Variants in NECAB2 observed in about 807,000 individuals in gnomAD.
The protein encoded by NECAB2 is N-terminal EF-hand calcium-binding protein 2.
Under a neutral mutation model 51.9 loss-of-function variants are expected in NECAB2, and 68 were observed. The observed-to-expected ratio is 1.31, with a 90% confidence interval of 1.08 to 1.60. The LOEUF (loss-of-function observed/expected upper bound fraction) is 1.60, where lower values mean the gene tolerates loss of function less well. Among genes scored for constraint, NECAB2 ranks in the 40% most tolerant of loss-of-function variants. NECAB2 has a pLI of 0.00. For missense variants in NECAB2, 854 were observed against 490.3 expected (o/e 1.74, Z -7.00); for synonymous variants, 329 against 203.5 (o/e 1.62, Z -5.25).
intron 1 of NECAB2, chr16:83,971,890 G>A (rs1183519252): frequency 1.7e-6 from 1 of 592,528 alleles, no homozygotes; most frequent in Non-Finnish European, 3.0e-6. Flanking sequence ...GCCTGCGTGT[G>A]TGTGTCAGCG....
chr16:83,972,055 C>T, intron 1 of NECAB2, 96 bp from the exon 2 acceptor site: 1 of 1,549,734 alleles, frequency 6.5e-7, no homozygotes, highest in Non-Finnish European at 8.8e-7. Flanking sequence ...TAAGCTGCTC[C>T]TGGGAGAAGA....
intron 2 of NECAB2, among the ~76,000 whole-genome samples, 169 bp downstream of exon 2, chr16:83,972,344 C>T (rs1005227918): frequency 1.6e-4 from 25 of 152,220 alleles, no homozygotes; most frequent in African/African-American, 5.8e-4. Flanking sequence ...CTTGACCTCC[C>T]TGTCTGTAAA....
intron 1 of NECAB2, among the ~76,000 whole-genome samples, chr16:83,970,028 G>C (rs2084331927): frequency 6.6e-6 from 1 of 152,152 alleles, no homozygotes; most frequent in Non-Finnish European, 1.5e-5. Context: ...CGCACACACA[G>C]CCAGAGACAC....
At chr16:83,972,921 ATTACAG>A (rs1238936366) in intron 2 of NECAB2, among the ~76,000 whole-genome samples, 1 of 152,188 alleles carries the variant, frequency 6.6e-6, no homozygotes, top group Admixed American at 6.6e-5. Context: ...CAGAATCATT[ATTACAG>A]TTGCAACGCA....
chr16:83,999,685 C>G (rs1472992), intron 10 of NECAB2, among the ~76,000 whole-genome samples: 22,265 of 151,982 alleles, frequency 0.15, 2,065 homozygotes, highest in African/African-American at 0.27. Flanking sequence ...TTTAAAATGA[C>G]GTGAGTGCGG....
chr16:83,967,693 C>T (rs372834376), upstream of NECAB2, among the ~76,000 whole-genome samples: 8 of 84,684 alleles, frequency 9.4e-5, 1 homozygote, highest in African/African-American at 4.3e-4. Flanking sequence ...GGCGGGCGGG[C>T]AGATGGATGG....
At chr16:83,979,142 C>G (rs137907103) in intron 3 of NECAB2, among the ~76,000 whole-genome samples, 1 of 152,188 alleles carries the variant, frequency 6.6e-6, no homozygotes, top group Non-Finnish European at 1.5e-5. Context: ...TACCCTTGAC[C>G]CTTCCCAGCC....
chr16:83,991,481 C>G (rs565213713), intron 6 of NECAB2, among the ~76,000 whole-genome samples: 33 of 151,296 alleles, frequency 2.2e-4, no homozygotes, highest in African/African-American at 7.5e-4. Context: ...ATTCTCCTGC[C>G]TCAGCCTCCC....
intron 8 of NECAB2, among the ~76,000 whole-genome samples, chr16:83,996,280 C>T (rs770091513): frequency 6.6e-6 from 1 of 152,228 alleles, no homozygotes. Context: ...GCCAGGCACA[C>T]CTTCACCACT....
rs139912684 is a variant in NECAB2 at position 83,998,258 on chromosome 16, G to A, written c.903G>A (p.Glu301=). The A allele has an allele frequency of 7.7e-5, 124 of 1,613,226 alleles. 1 individual carries two copies. The African/African-American group carries it at 1.5e-3, about 20-fold the overall frequency. Reference sequence around the variant, plus strand: ...CCGTGTGCCCCGAGCAACTGAGCGAGTTTCTGGACTCTCTGCGCCAGTATC... The same window carrying A: ...CCGTGTGCCCCGAGCAACTGAGCGAATTTCTGGACTCTCTGCGCCAGTATC... ...EMAVCPEQLS[E]FLDSLRQYLR... Residue 301 remains glutamate (E), a synonymous_variant, in exon 10 of 13, where the codon GAG becomes GAA. Coordinates refer to ENST00000305202, the MANE Select transcript of NECAB2 (RefSeq NM_019065.3).
intron 10 of NECAB2, among the ~76,000 whole-genome samples, 200 bp from the exon 11 acceptor site, chr16:84,000,524 C>T (rs35052760): frequency 0.24 from 35,830 of 152,028 alleles, 9,070 homozygotes; most frequent in African/African-American, 0.64. Context: ...TAATAAATAG[C>T]TGTTGGCCAC....
chr16:83,991,474 C>A (rs1031868422), intron 6 of NECAB2, among the ~76,000 whole-genome samples: 2 of 149,170 alleles, frequency 1.3e-5, no homozygotes, highest in African/African-American at 5.0e-5. Context: ...TCAAGCGATT[C>A]TCCTGCCTCA....
At chr16:83,979,392 G>C (rs1266978503) in intron 3 of NECAB2, among the ~76,000 whole-genome samples, 1 of 152,226 alleles carries the variant, frequency 6.6e-6, no homozygotes, top group African/African-American at 2.4e-5. Context: ...AGTGTGCAAG[G>C]GGTAGAGTAC....
At chr16:83,976,015 C>G (rs779778831) in intron 2 of NECAB2, among the ~76,000 whole-genome samples, 1 of 152,128 alleles carries the variant, frequency 6.6e-6, no homozygotes, top group Non-Finnish European at 1.5e-5. Flanking sequence ...TCTGCCTGCT[C>G]TCCCTGTGTG....
At chr16:83,966,059 C>A (rs1215015075), upstream of NECAB2, 4 of 1,362,284 alleles carry the variant, frequency 2.9e-6, no homozygotes, top group Admixed American at 2.7e-5. Flanking sequence ...GAGATGACCA[C>A]ATCCCTGCTG....
At position 84,001,887 on chromosome 16, in the gene NECAB2, C is replaced by T; in HGVS notation, c.1103C>T (p.Pro368Leu). The T allele has an allele frequency of 2.5e-6, 4 of 1,614,076 alleles. No individual in the cohort carries two copies. Among genetic ancestry groups the T allele is most frequent in the Admixed American group, 1.7e-5 (1 of 60,026 alleles). The change falls in exon 12 of 13, where the codon CCT becomes CTT. Residue 368 changes from proline (P) to leucine (L), a missense_variant. By Grantham distance (98) the Pro-to-Leu change is moderately conservative. Coordinates refer to ENST00000305202, the MANE Select transcript of NECAB2 (RefSeq NM_019065.3). ...GTCAAGGTGGACACACTGAGCCAGCCTGAGGCCCTCTCCAGGATCTTGGTG... is the reference window on the plus strand; with the variant it reads ...GTCAAGGTGGACACACTGAGCCAGCTTGAGGCCCTCTCCAGGATCTTGGTG... ...RHVKVDTLSQ[P>L]EALSRILVPA... is the part of the protein sequence containing the mutation.
chr16:83,998,237 G>C lies in NECAB2; in HGVS notation c.882G>C (p.Val294=). Residue 294 remains valine (V), a synonymous_variant, in exon 10 of 13, where the codon GTG becomes GTC. Transcript: ENST00000305202. ...HLQLVRQEMA[V]CPEQLSEFLD... ...AGCTGGTCCGGCAGGAGATGGCCGT[G>C]TGCCCCGAGCAACTGAGCGAGTTTC... The C allele has an allele frequency of 6.2e-7, 1 of 1,612,174 alleles. No individual in the cohort carries two copies. Among genetic ancestry groups the C allele is most frequent in the Non-Finnish European group, 8.5e-7 (1 of 1,180,020 alleles).
At chr16:84,000,509 C>G (rs368450667) in intron 10 of NECAB2, among the ~76,000 whole-genome samples, 30 of 152,186 alleles carry the variant, frequency 2.0e-4, no homozygotes, top group Non-Finnish European at 3.4e-4. Context: ...TGCATTGATT[C>G]TATTTAATAA....
At chr16:83,993,877 G>A (rs1435118300) in intron 6 of NECAB2, among the ~76,000 whole-genome samples, 2 of 152,140 alleles carry the variant, frequency 1.3e-5, no homozygotes, top group Non-Finnish European at 2.9e-5. Context: ...CTTGAAACCA[G>A]GTCCCCCACC....
Sources: gnomAD v4.1 joint callset for allele counts (sites outside exome capture counted in the v4.1 genomes callset) on GRCh38, gnomAD v4.1.1 for gene constraint, MANE v1.5 for transcripts, NCBI Gene and HGNC (gene_info 2026-07-23, HGNC 2026-07-21) for gene names.